Variants in MYO5B observed in about 807,000 individuals in gnomAD.
MYO5B encodes the protein unconventional myosin-Vb.
In MYO5B, 143 loss-of-function variants were observed where a neutral mutation model predicts 229.3. That is an observed-to-expected ratio of 0.62 (90% confidence interval 0.54 to 0.72). The LOEUF is 0.72. MYO5B is among the 30% of genes least tolerant of loss of function. MYO5B has a pLI of 0.00. For synonymous variants in MYO5B, 918 were observed against 885.2 expected (o/e 1.04, Z -0.66); for missense variants, 2,321 against 2,331.0 (o/e 1.00, Z 0.09).
At chr18:49,965,045 C>G (rs1030683247) in intron 10 of MYO5B, among the ~76,000 whole-genome samples, 16 of 152,218 alleles carry the variant, frequency 1.1e-4, no homozygotes, top group African/African-American at 3.9e-4. Flanking sequence ...AGGAGAACAA[C>G]TGTGAGCCGG....
At chr18:50,069,879 G>A (rs1419545940) in intron 1 of MYO5B, among the ~76,000 whole-genome samples, 1 of 151,976 alleles carries the variant, frequency 6.6e-6, no homozygotes, top group African/African-American at 2.4e-5. Context: ...AGACCTGTTT[G>A]TTCATCCCTA....
At chr18:49,897,583 G>T (rs987303389) in intron 21 of MYO5B, among the ~76,000 whole-genome samples, 2 of 152,028 alleles carry the variant, frequency 1.3e-5, no homozygotes, top group Admixed American at 6.6e-5. Context: ...TTTAAAAATA[G>T]AAAAAAGCTT....
intron 1 of MYO5B, among the ~76,000 whole-genome samples, chr18:50,149,240 G>T (rs990870478): frequency 6.6e-6 from 1 of 151,758 alleles, no homozygotes; most frequent in Non-Finnish European, 1.5e-5. Context: ...AATCAATATC[G>T]TGAAAATGGC....
chr18:50,090,457 G>T (rs1189636741), intron 1 of MYO5B, among the ~76,000 whole-genome samples: 1 of 152,054 alleles, frequency 6.6e-6, no homozygotes, highest in African/African-American at 2.4e-5. Context: ...GGAAATGACA[G>T]CCATAGAATA....
chr18:49,935,447 A>C (rs1622262), intron 16 of MYO5B, among the ~76,000 whole-genome samples: 80,279 of 151,794 alleles, frequency 0.53, 21,591 homozygotes, highest in Middle Eastern at 0.71. Flanking sequence ...AACTTCTAGT[A>C]TGGGAGATCA....
At chr18:49,977,210 G>A (rs573041369) in intron 9 of MYO5B, among the ~76,000 whole-genome samples, 2 of 152,158 alleles carry the variant, frequency 1.3e-5, no homozygotes, top group South Asian at 2.1e-4. Context: ...ATTTAACATC[G>A]TACAATTACA....
chr18:49,869,534 T>C (rs1475638491), intron 27 of MYO5B, among the ~76,000 whole-genome samples: 3 of 152,198 alleles, frequency 2.0e-5, no homozygotes, highest in South Asian at 2.1e-4. Flanking sequence ...TTTAGACTTA[T>C]GGCAGTTTAA....
rs377260093 is a variant in MYO5B at position 49,863,216 on chromosome 18, G to C, written c.3944+11C>G. The C allele has an allele frequency of 6.2e-7, 1 of 1,608,692 alleles. No homozygotes were observed. Among genetic ancestry groups the C allele is most frequent in the African/African-American group, 1.3e-5 (1 of 74,756 alleles). The stretch of plus-strand genomic sequence containing the variant: ...GGCCTCGTCCAGCACATTTGACCGC[G>C]GCGGCCTTACCTGTTTGTCTGGCAG... On this transcript the variant is annotated intron_variant, in intron 29 of 39. Transcript: ENST00000285039.
At chr18:50,026,499 A>T (rs2026332999) in intron 4 of MYO5B, among the ~76,000 whole-genome samples, 1 of 152,346 alleles carries the variant, frequency 6.6e-6, no homozygotes, top group South Asian at 2.1e-4. Flanking sequence ...TAGAAGTTAT[A>T]ATTGGTTGCC....
Position 50,123,576 on chromosome 18 carries a change from T to C in MYO5B, c.28-68198A>G, listed in dbSNP as rs572513123. 1.8e-4 allele frequency among the ~76,000 whole-genome samples: 27 copies of C among 151,712 alleles called. 1 individual carries two copies. The South Asian group carries it at 3.1e-3, about 18-fold the overall frequency. On this transcript the variant is annotated intron_variant, in intron 1 of 39. Coordinates refer to ENST00000285039, the MANE Select transcript of MYO5B (RefSeq NM_001080467.3). ...AACCCATCTCTGCAAAAAATATAAA[T>C]AAAAATAAAAAAAACTAGCCAGGCA...
At chr18:50,001,475 TC>T in intron 4 of MYO5B, 64 bp from the exon 5 acceptor site, 2 of 1,586,302 alleles carry the variant, frequency 1.3e-6, no homozygotes, top group East Asian at 4.5e-5. Context: ...GTCCAGGGAC[TC>T]TGTCTGACAA....
At chr18:50,154,990 A>ATTTT (rs1162093953) in intron 1 of MYO5B, among the ~76,000 whole-genome samples, 1 of 152,250 alleles carries the variant, frequency 6.6e-6, no homozygotes, top group Admixed American at 6.5e-5. Context: ...ACAGACTAAA[A>ATTTT]AGGCCTGCTT....
At chr18:50,027,439 C>G (rs539342568) in intron 4 of MYO5B, among the ~76,000 whole-genome samples, 1 of 152,300 alleles carries the variant, frequency 6.6e-6, no homozygotes, top group South Asian at 2.1e-4. Context: ...CAAGTGCACA[C>G]ACACATGCCC....
chr18:49,885,628 G>C (rs2024633947), intron 22 of MYO5B, among the ~76,000 whole-genome samples: 1 of 152,102 alleles, frequency 6.6e-6, no homozygotes, highest in Non-Finnish European at 1.5e-5. Context: ...TTCCTCTCCT[G>C]GCTGTAAATT....
chr18:50,124,904 G>C (rs932852460), intron 1 of MYO5B, among the ~76,000 whole-genome samples: 1 of 151,930 alleles, frequency 6.6e-6, no homozygotes, highest in African/African-American at 2.4e-5. Flanking sequence ...TCCCCAGACT[G>C]GGAGAGGACA....
intron 1 of MYO5B, among the ~76,000 whole-genome samples, chr18:50,159,793 C>T (rs1296859291): frequency 4.6e-5 from 7 of 152,230 alleles, no homozygotes; most frequent in Admixed American, 6.5e-5. Context: ...TAGTCTCCTC[C>T]TGCATCCTCC....
intron 4 of MYO5B, among the ~76,000 whole-genome samples, chr18:50,031,231 T>A (rs545261397): frequency 1.3e-5 from 2 of 152,184 alleles, no homozygotes; most frequent in Non-Finnish European, 2.9e-5. Context: ...GCAGGAAGCA[T>A]TGGGCAATCA....
intron 13 of MYO5B, among the ~76,000 whole-genome samples, chr18:49,953,966 T>TG (rs2025459946): frequency 9.3e-6 from 1 of 106,980 alleles, no homozygotes. Flanking sequence ...TGTGTGTGTG[T>TG]ATGTGTGTGT....
At chr18:49,939,062 A>C (rs1428083735) in intron 14 of MYO5B, among the ~76,000 whole-genome samples, 1 of 152,190 alleles carries the variant, frequency 6.6e-6, no homozygotes, top group Non-Finnish European at 1.5e-5. Flanking sequence ...GCATGTAGAA[A>C]AGTGTCCAGC....
Sources: allele counts gnomAD v4.1 joint callset (sites outside exome capture counted in the v4.1 genomes callset), GRCh38; gene constraint gnomAD v4.1.1; transcripts MANE v1.5; gene names NCBI Gene and HGNC (gene_info 2026-07-23, HGNC 2026-07-21).